Variants in PPP4R2 observed in about 807,000 individuals in gnomAD.
The protein encoded by PPP4R2 is serine/threonine-protein phosphatase 4 regulatory subunit 2.
Under a neutral mutation model 47.2 loss-of-function variants are expected in PPP4R2, and 13 were observed. That is an observed-to-expected ratio of 0.28 (90% CI 0.18 to 0.44). The LOEUF (loss-of-function observed/expected upper bound fraction) is 0.44, where lower values mean the gene tolerates loss of function less well. Among genes scored for constraint, PPP4R2 ranks in the 20% least tolerant of loss-of-function variants. PPP4R2 has a pLI of 1.00. For synonymous variants in PPP4R2, 151 were observed against 163.3 expected (o/e 0.92, Z 0.57); for missense variants, 421 against 491.2 (o/e 0.86, Z 1.35).
At chr3:73,045,086 T>G (rs187242465) in intron 2 of PPP4R2, among the ~76,000 whole-genome samples, 211 of 152,302 alleles carry the variant, frequency 1.4e-3, no homozygotes, top group Admixed American at 4.8e-3. Flanking sequence ...CTCTACCTCC[T>G]GGGCTCAAGC....
At position 73,066,358 on chromosome 3, in the gene PPP4R2, A is replaced by C. The variant is rs1016078835; in HGVS notation, c.*636A>C. 5 of 151,486 alleles carry C rather than the reference A, an allele frequency of 3.3e-5. No homozygotes were observed. The highest frequency in any genetic ancestry group is 1.2e-4 in the African/African-American group (5 of 41,280). 9.4% of individuals were successfully genotyped at this position (151,486 alleles called of 1,614,324 possible). On this transcript the variant is annotated 3_prime_UTR_variant, in exon 9 of 9. Coordinates refer to ENST00000356692, the MANE Select transcript of PPP4R2 (RefSeq NM_174907.4). Reference sequence around the variant, plus strand: ...GGTAATGATTGAGTTCACCTCTTTCAGAAGACATTTTCTTTCTCTTCTGAG... The same window carrying C: ...GGTAATGATTGAGTTCACCTCTTTCCGAAGACATTTTCTTTCTCTTCTGAG...
intron 2 of PPP4R2, among the ~76,000 whole-genome samples, chr3:73,034,794 A>G (rs919810704): frequency 1.3e-5 from 2 of 151,994 alleles, no homozygotes; most frequent in Admixed American, 6.6e-5. Flanking sequence ...CAGCCTTCCA[A>G]AGTGTTGGGG....
intron 3 of PPP4R2, among the ~76,000 whole-genome samples, chr3:73,050,056 T>C (rs1183379402): frequency 1.3e-5 from 2 of 152,170 alleles, no homozygotes; most frequent in Admixed American, 6.5e-5. Context: ...TTCTCCAGCC[T>C]CAACCTCTCG....
intron 2 of PPP4R2, among the ~76,000 whole-genome samples, chr3:73,042,658 TG>T (rs1238344217): frequency 2.6e-5 from 4 of 152,120 alleles, no homozygotes; most frequent in African/African-American, 7.2e-5. Flanking sequence ...CCACCGCGCC[TG>T]GCCCCTGAAT....
intron 2 of PPP4R2, among the ~76,000 whole-genome samples, chr3:73,013,638 T>C (rs932213385): frequency 7.9e-6 from 1 of 126,496 alleles, no homozygotes; most frequent in Non-Finnish European, 1.6e-5. Flanking sequence ...GATACCTTTT[T>C]TCTTTTTCTT....
At position 73,064,851 on chromosome 3, in the gene PPP4R2, G is replaced by GT. The variant is rs1363017366; in HGVS notation, c.639dup (p.Asp214Ter). On this transcript the variant is annotated frameshift_variant and splice_region_variant. Transcript: ENST00000356692. LOFTEE classifies it high-confidence loss of function. ...ATGACACTTTAAAAAAACATTTACA[G>GT]TGACTCTTCGACCTCTGAATCAGAA... 1 of 1,586,702 alleles carries GT rather than the reference G, an allele frequency of 6.3e-7. No individual in the cohort carries two copies.
chr3:73,051,047 C>T (rs965518695), intron 3 of PPP4R2, among the ~76,000 whole-genome samples: 2 of 152,012 alleles, frequency 1.3e-5, no homozygotes, highest in African/African-American at 2.4e-5. Flanking sequence ...CCCGAGTAGC[C>T]GCGTTTACTG....
intron 2 of PPP4R2, among the ~76,000 whole-genome samples, chr3:73,016,475 T>G (rs1701834946): frequency 6.6e-6 from 1 of 152,148 alleles, no homozygotes; most frequent in Admixed American, 6.5e-5. Flanking sequence ...AGTGTCAAGG[T>G]TGAGAGACTG....
intron 5 of PPP4R2, chr3:73,063,105 A>G: frequency 1.8e-6 from 1 of 567,208 alleles, no homozygotes; most frequent in Non-Finnish European, 3.1e-6. Flanking sequence ...AGCTGTCACC[A>G]CGAATGTTCC....
At chr3:73,012,902 CTT>C (rs202207828) in intron 2 of PPP4R2, among the ~76,000 whole-genome samples, 5,126 of 120,354 alleles carry the variant, frequency 0.043, 299 homozygotes, top group African/African-American at 0.14. Context: ...AGAATGTAGG[CTT>C]TTTTTTTTTT....
At chr3:73,008,157 TAAATACTA>T in intron 2 of PPP4R2, among the ~76,000 whole-genome samples, 1 of 151,288 alleles carries the variant, frequency 6.6e-6, no homozygotes, top group Non-Finnish European at 1.5e-5. Context: ...TTACAATCTA[TAAATACTA>T]AAATTACTAA....
chr3:73,030,771 C>G (rs1702152171), intron 2 of PPP4R2, among the ~76,000 whole-genome samples: 1 of 151,756 alleles, frequency 6.6e-6, no homozygotes, highest in African/African-American at 2.4e-5. Context: ...GGCGTGATCT[C>G]AGTCACTGCA....
intron 2 of PPP4R2, among the ~76,000 whole-genome samples, chr3:73,000,733 T>C (rs1701441280): frequency 6.6e-6 from 1 of 152,198 alleles, no homozygotes; most frequent in Non-Finnish European, 1.5e-5. Flanking sequence ...GAATTGTTTC[T>C]GGCCACTTCA....
At chr3:73,043,682 A>G (rs1702426068) in intron 2 of PPP4R2, among the ~76,000 whole-genome samples, 1 of 152,232 alleles carries the variant, frequency 6.6e-6, no homozygotes, top group South Asian at 2.1e-4. Flanking sequence ...TCTAATAGAT[A>G]ATAATGCTGA....
chr3:73,023,386 A>G (rs1176692253), intron 2 of PPP4R2, among the ~76,000 whole-genome samples: 1 of 152,038 alleles, frequency 6.6e-6, no homozygotes, highest in South Asian at 2.1e-4. Context: ...GGGTTTCTCC[A>G]TGTTGGTCAG....
chr3:73,044,822 A>G (rs931518621), intron 2 of PPP4R2, among the ~76,000 whole-genome samples: 8 of 152,150 alleles, frequency 5.3e-5, no homozygotes, highest in Non-Finnish European at 7.4e-5. Context: ...GTTAAGTTGT[A>G]GGTGTTCTTT....
In PPP4R2 at chr3:73,065,665, C is replaced by T. The variant is rs1271352888; in HGVS notation, c.1197C>T (p.Ser399=). ...CTGGAGAGATTCTTTCAGAATCATC[C>T]ATGGAAAATGATGACGAAGCCACAG... ...SKTGEILSES[S]MENDDEATEV... is the part of the protein sequence containing the mutation. The change falls in exon 9 of 9, where the codon TCC becomes TCT. Residue 399 remains serine, a synonymous_variant. Transcript: ENST00000356692. 2.5e-6 allele frequency: 4 copies of T among 1,610,456 alleles called. No homozygotes were observed. Among genetic ancestry groups the T allele is most frequent in the Admixed American group, 1.7e-5 (1 of 59,884 alleles).
chr3:73,021,455 T>G (rs1450844790), intron 2 of PPP4R2, among the ~76,000 whole-genome samples: 1 of 152,094 alleles, frequency 6.6e-6, no homozygotes, highest in East Asian at 1.9e-4. Context: ...CAGGCTGGTC[T>G]CAAATTCCTG....
intron 2 of PPP4R2, among the ~76,000 whole-genome samples, chr3:73,009,884 T>C (rs1701687269): frequency 6.6e-6 from 1 of 152,230 alleles, no homozygotes. Flanking sequence ...GTTCGTTTGC[T>C]TGTCTTCTCT....
Sources: gnomAD v4.1 joint callset for allele counts (sites outside exome capture counted in the v4.1 genomes callset) on GRCh38, gnomAD v4.1.1 for gene constraint, MANE v1.5 for transcripts, NCBI Gene and HGNC (gene_info 2026-07-23, HGNC 2026-07-21) for gene names.